The following OCLN variants were observed in gnomAD, a reference collection of about 807,000 sequenced individuals.
OCLN encodes phosphatase 1, regulatory subunit 115.
In OCLN, 21 loss-of-function variants were observed where a neutral mutation model predicts 47.9. That is an observed-to-expected ratio of 0.44 (90% CI 0.31 to 0.63). The LOEUF (loss-of-function observed/expected upper bound fraction) is 0.63, where lower values mean the gene tolerates loss of function less well. Ranked by LOEUF, OCLN falls within the 30% of genes least tolerant of loss-of-function variation. OCLN has a pLI of 0.08. For synonymous variants in OCLN, 117 were observed against 198.4 expected (o/e 0.59, Z 3.45); for missense variants, 360 against 571.0 (o/e 0.63, Z 3.77).
chr5:69,516,169 G>C (rs1254525056), intron 4 of OCLN, among the ~76,000 whole-genome samples: 3 of 151,910 alleles, frequency 2.0e-5, no homozygotes, highest in East Asian at 1.9e-4. Flanking sequence ...AGGTTGTAGC[G>C]AGCCGAGATC....
At chr5:69,526,575 G>GAGCTCTAATAACTTATTA (rs2112036666) in intron 4 of OCLN, among the ~76,000 whole-genome samples, 1 of 41,970 alleles carries the variant, frequency 2.4e-5, no homozygotes, top group East Asian at 1.3e-3. Context: ...ATAACTTATT[G>GAGCTCTAATAACTTATTA]ACTCTCAGGG....
At chr5:69,513,093 C>A (rs895376117) in intron 3 of OCLN, among the ~76,000 whole-genome samples, 1 of 152,192 alleles carries the variant, frequency 6.6e-6, no homozygotes, top group Non-Finnish European at 1.5e-5. Flanking sequence ...TCCTACCACA[C>A]CCCTATCCCT....
At chr5:69,521,924 A>G (rs1221050568) in intron 4 of OCLN, among the ~76,000 whole-genome samples, 1 of 152,142 alleles carries the variant, frequency 6.6e-6, no homozygotes, top group African/African-American at 2.4e-5. Context: ...AGTTTTTTAT[A>G]TTATGGATAT....
At chr5:69,504,368 T>G (rs1362590313) in intron 2 of OCLN, 74 bp downstream of exon 2, 1 of 908,512 alleles carries the variant, frequency 1.1e-6, no homozygotes, top group Non-Finnish European at 1.8e-6. Context: ...GGTTGAAACT[T>G]TAAGTGTTTG....
At chr5:69,510,524 A>C (rs1482336408) in intron 3 of OCLN, among the ~76,000 whole-genome samples, 1 of 152,074 alleles carries the variant, frequency 6.6e-6, no homozygotes, top group African/African-American at 2.4e-5. Context: ...TACTAAAAAT[A>C]CAAAAAAAAT....
At chr5:69,504,985 C>T (rs1421497966) in intron 2 of OCLN, among the ~76,000 whole-genome samples, 2 of 151,926 alleles carry the variant, frequency 1.3e-5, no homozygotes, top group Non-Finnish European at 2.9e-5. Context: ...CCTGGTGGCT[C>T]ATGCCTGTAA....
intron 5 of OCLN, 64 bp downstream of exon 5, chr5:69,534,903 T>A: frequency 6.4e-7 from 1 of 1,556,732 alleles, no homozygotes. Context: ...ATATAATTGG[T>A]TTTTGTGCCT....
intron 2 of OCLN, among the ~76,000 whole-genome samples, chr5:69,507,259 C>G (rs1229301749): frequency 1.3e-5 from 2 of 152,060 alleles, no homozygotes; most frequent in East Asian, 1.9e-4. Flanking sequence ...CTCAGCCTCC[C>G]AAGTAGATGG....
At chr5:69,548,470 C>T (rs1172212919) in intron 7 of OCLN, among the ~76,000 whole-genome samples, 116 of 150,290 alleles carry the variant, frequency 7.7e-4, no homozygotes, top group Middle Eastern at 3.4e-3. Flanking sequence ...CCTGCCACCA[C>T]GCCCGGCTAA....
At chr5:69,528,678 C>A (rs1769348113) in intron 4 of OCLN, among the ~76,000 whole-genome samples, 1 of 152,198 alleles carries the variant, frequency 6.6e-6, no homozygotes, top group African/African-American at 2.4e-5. Flanking sequence ...TTTACCTTCT[C>A]TGTGACTTTG....
At chr5:69,530,395 A>T (rs1393608200) in intron 4 of OCLN, among the ~76,000 whole-genome samples, 1 of 151,976 alleles carries the variant, frequency 6.6e-6, no homozygotes, top group Non-Finnish European at 1.5e-5. Context: ...ACCCCCTTCT[A>T]CTTTCCTACT....
intron 2 of OCLN, among the ~76,000 whole-genome samples, chr5:69,507,224 T>TC (rs1768632334): frequency 6.6e-6 from 1 of 152,176 alleles, no homozygotes; most frequent in Non-Finnish European, 1.5e-5. Context: ...AACCTCCACT[T>TC]CCTGGATTCA....
chr5:69,507,003 CA>C (rs1481685850), intron 2 of OCLN, among the ~76,000 whole-genome samples: 1 of 152,224 alleles, frequency 6.6e-6, no homozygotes, highest in Admixed American at 6.5e-5. Flanking sequence ...GGTCAAGAAA[CA>C]GAACACTTCA....
intron 4 of OCLN, among the ~76,000 whole-genome samples, chr5:69,517,744 A>G (rs1443418297): frequency 6.6e-6 from 1 of 152,168 alleles, no homozygotes; most frequent in Non-Finnish European, 1.5e-5. Context: ...TGTATTCACC[A>G]CTGAGACGAT....
intron 4 of OCLN, among the ~76,000 whole-genome samples, chr5:69,530,356 C>T (rs1769396104): frequency 6.6e-6 from 1 of 152,112 alleles, no homozygotes; most frequent in Non-Finnish European, 1.5e-5. Flanking sequence ...TAGAAATGAG[C>T]ACCTGTTCAC....
At chr5:69,553,415 T>TA (rs1769886452) in intron 8 of OCLN, among the ~76,000 whole-genome samples, 155 bp from the exon 9 acceptor site, 2 of 106,636 alleles carry the variant, frequency 1.9e-5, no homozygotes, top group African/African-American at 7.5e-5. Flanking sequence ...CCTGTGTGGT[T>TA]AGTGATACTG....
At chr5:69,501,566 G>C (rs934842168) in intron 1 of OCLN, among the ~76,000 whole-genome samples, 1 of 151,810 alleles carries the variant, frequency 6.6e-6, no homozygotes, top group Admixed American at 6.6e-5. Flanking sequence ...GAGGCAGGTT[G>C]TAGTGAGCTG....
At chr5:69,522,330 C>T (rs1211039563) in intron 4 of OCLN, among the ~76,000 whole-genome samples, 4 of 152,030 alleles carry the variant, frequency 2.6e-5, no homozygotes, top group Non-Finnish European at 5.9e-5. Context: ...TATGTCAGTC[C>T]TTGGTACATT....
intron 5 of OCLN, among the ~76,000 whole-genome samples, chr5:69,536,115 C>CTAAATAAA (rs199733932): frequency 8.3e-4 from 126 of 151,414 alleles, no homozygotes; most frequent in East Asian, 4.7e-3. Flanking sequence ...GAAGCTCCAT[C>CTAAATAAA]TAAATAAATA....
Sources: gnomAD v4.1 joint callset for allele counts (sites outside exome capture counted in the v4.1 genomes callset) on GRCh38, gnomAD v4.1.1 for gene constraint, MANE v1.5 for transcripts, NCBI Gene and HGNC (gene_info 2026-07-23, HGNC 2026-07-21) for gene names.